The following ABCA13 variants were observed in gnomAD, a reference collection of about 807,000 sequenced individuals.
ABCA13 encodes the protein ATP binding cassette subfamily A member 13, also known as ATP-binding cassette sub-family A member 13.
In ABCA13, 476 loss-of-function variants were observed where a neutral mutation model predicts 478.7. That is an observed-to-expected ratio of 0.99 (90% CI 0.92 to 1.07). ABCA13 has a LOEUF of 1.07. Ranked by LOEUF, ABCA13 falls within the 50% of genes least tolerant of loss-of-function variation. The probability of loss-of-function intolerance (pLI) is 0.00; values close to 1 mark genes in which losing one functional copy is unlikely to be tolerated. For synonymous variants in ABCA13, 2,252 were observed against 2,158.9 expected (o/e 1.04, Z -1.20); for missense variants, 6,060 against 5,910.6 (o/e 1.03, Z -0.83).
intron 55 of ABCA13, among the ~76,000 whole-genome samples, chr7:48,541,613 A>G (rs1397513854): frequency 1.3e-5 from 2 of 151,948 alleles, no homozygotes; most frequent in African/African-American, 4.8e-5. Context: ...TTGAAACTCT[A>G]AATCACATGC....
At chr7:48,557,168 TGTA>T in intron 55 of ABCA13, among the ~76,000 whole-genome samples, 1 of 152,198 alleles carries the variant, frequency 6.6e-6, no homozygotes, top group South Asian at 2.1e-4. Flanking sequence ...CAAAAGTTAT[TGTA>T]GTTATTATTT....
Position 48,358,254 on chromosome 7 carries a change from GGGGAGGGGAGGGGAC to G in ABCA13, c.10688+5768_10688+5782del, listed in dbSNP as rs1182901627. On this transcript the variant is annotated intron_variant, in intron 31 of 61. Transcript: ENST00000435803. ...GGGGAGGGGAGGGGAGGGGAGGGGA[GGGGAGGGGAGGGGAC>G]AATGCCTGCCTGGCATGTTTTCTTA... Among the ~76,000 whole-genome samples, 38 of 125,280 alleles carry G rather than the reference GGGGAGGGGAGGGGAC, an allele frequency of 3.0e-4. 2 individuals are homozygous for G. Among genetic ancestry groups the G allele is most frequent in the East Asian group, 5.9e-4 (2 of 3,418 alleles). 82.2% of individuals were successfully genotyped at this position (125,280 alleles called of 152,430 possible). A position where few individuals can be genotyped will look rare whatever the true frequency, so the allele number is the denominator to read the frequency against.
intron 19 of ABCA13, among the ~76,000 whole-genome samples, chr7:48,283,345 T>G (rs990563222): frequency 6.6e-6 from 1 of 152,010 alleles, no homozygotes; most frequent in Non-Finnish European, 1.5e-5. Context: ...AAAAGATAAA[T>G]TTTTCTTTGT....
intron 45 of ABCA13, among the ~76,000 whole-genome samples, chr7:48,478,000 T>C (rs1310229767): frequency 6.6e-6 from 1 of 151,832 alleles, no homozygotes; most frequent in Non-Finnish European, 1.5e-5. Context: ...AACACCATTT[T>C]AGAAGGATGT....
rs1799504502 is a variant in ABCA13 at position 48,297,231 on chromosome 7, G to A, written c.9120-1G>A. On this transcript the variant is annotated splice_acceptor_variant, in intron 21 of 61. Transcript: ENST00000435803. LOFTEE classifies it high-confidence loss of function. ...TTAGCTTTAATTTTCTGCCATTTTA[G>A]GTTGGCCAAAAGCCTCGAGGAAACT... 1 of 1,600,564 alleles carries A rather than the reference G, an allele frequency of 6.2e-7. No individual in the cohort carries two copies. The highest frequency in any genetic ancestry group is 1.3e-5 in the African/African-American group (1 of 74,684).
At chr7:48,305,903 T>A (rs1800833593) in intron 23 of ABCA13, among the ~76,000 whole-genome samples, 1 of 152,184 alleles carries the variant, frequency 6.6e-6, no homozygotes, top group Non-Finnish European at 1.5e-5. Context: ...AGCAGGAACT[T>A]GGCATTCTGT....
chr7:48,509,419 GGCAAGAGA>G (rs1439717700), intron 50 of ABCA13, among the ~76,000 whole-genome samples: 1 of 152,180 alleles, frequency 6.6e-6, no homozygotes, highest in African/African-American at 2.4e-5. Context: ...AGAAGTGTGT[GGCAAGAGA>G]GAATCACAAC....
At chr7:48,225,131 GCCTGCCTT>G (rs1198903087) in intron 5 of ABCA13, among the ~76,000 whole-genome samples, 2,657 of 105,934 alleles carry the variant, frequency 0.025, 55 homozygotes, top group African/African-American at 0.06. Context: ...CTGCCTGCCT[GCCTGCCTT>G]CCTTCCTTCC....
intron 31 of ABCA13, among the ~76,000 whole-genome samples, chr7:48,365,507 A>G (rs559046329): frequency 6.6e-6 from 1 of 152,262 alleles, no homozygotes; most frequent in African/African-American, 2.4e-5. Context: ...AGTGTCCTGA[A>G]GCAGTTCTCT....
chr7:48,421,945 A>G (rs1820794815), intron 41 of ABCA13, among the ~76,000 whole-genome samples: 1 of 150,888 alleles, frequency 6.6e-6, no homozygotes, highest in Non-Finnish European at 1.5e-5. Flanking sequence ...TCATCTTCCA[A>G]GGCCTCCACA....
chr7:48,481,479 T>C (rs527440093), intron 46 of ABCA13, among the ~76,000 whole-genome samples: 3 of 152,208 alleles, frequency 2.0e-5, no homozygotes, highest in Non-Finnish European at 4.4e-5. Flanking sequence ...CTCTTTTAAG[T>C]GCTGGGGGAA....
chr7:48,600,192 T>G (rs555636066), intron 58 of ABCA13, among the ~76,000 whole-genome samples: 2 of 152,348 alleles, frequency 1.3e-5, no homozygotes, highest in African/African-American at 4.8e-5. Context: ...TCTAGCAGTA[T>G]GTTTTATCTT....
At chr7:48,621,358 G>C (rs940768094) in intron 59 of ABCA13, among the ~76,000 whole-genome samples, 5 of 152,124 alleles carry the variant, frequency 3.3e-5, no homozygotes, top group African/African-American at 1.2e-4. Flanking sequence ...CTCCTAGAGA[G>C]CACAGACTTT....
intron 13 of ABCA13, 150 bp from the exon 14 acceptor site, chr7:48,248,089 C>T (rs1791976047): frequency 1.6e-6 from 1 of 619,168 alleles, no homozygotes; most frequent in Admixed American, 3.0e-5. Context: ...AGAACTATAA[C>T]TTAGATAATT....
At chr7:48,352,562 G>T (rs965894496) in intron 31 of ABCA13, 75 bp downstream of exon 31, 1 of 1,415,914 alleles carries the variant, frequency 7.1e-7, no homozygotes, top group Admixed American at 2.8e-5. Flanking sequence ...AGAAAACTCA[G>T]TTTTTCTATG....
intron 59 of ABCA13, among the ~76,000 whole-genome samples, chr7:48,630,650 G>A (rs1297454197): frequency 6.6e-6 from 1 of 152,010 alleles, no homozygotes; most frequent in African/African-American, 2.4e-5. Context: ...GAAATGATTT[G>A]TATTCCTTTG....
chr7:48,435,649 G>T (rs1191303961), intron 42 of ABCA13, among the ~76,000 whole-genome samples: 2 of 151,600 alleles, frequency 1.3e-5, no homozygotes, highest in African/African-American at 4.8e-5. Flanking sequence ...TTGGGTGTGG[G>T]TTTTTCATAG....
intron 42 of ABCA13, among the ~76,000 whole-genome samples, chr7:48,433,600 G>A (rs1822440892): frequency 1.3e-5 from 2 of 151,466 alleles, no homozygotes; most frequent in African/African-American, 4.8e-5. Context: ...TCACATTATT[G>A]TGCAACCATC....
intron 29 of ABCA13, among the ~76,000 whole-genome samples, chr7:48,345,130 T>C (rs1309260810): frequency 2.0e-5 from 3 of 152,232 alleles, no homozygotes; most frequent in Admixed American, 6.5e-5. Context: ...AACAACACAT[T>C]ACTCACTTGT....
Sources: allele counts gnomAD v4.1 joint callset (sites outside exome capture counted in the v4.1 genomes callset), GRCh38; gene constraint gnomAD v4.1.1; transcripts MANE v1.5; gene names NCBI Gene and HGNC (gene_info 2026-07-23, HGNC 2026-07-21).